NXPE2: variants seen among roughly 807,000 people sequenced by gnomAD.
NXPE2 encodes NXPE family member 2.
NXPE2 carries 34 observed loss-of-function variants against 34.4 expected under a neutral mutation model. That is an observed-to-expected ratio of 0.99 (90% CI 0.75 to 1.31). NXPE2 has a LOEUF of 1.31. NXPE2 is among the 40% of genes most tolerant of loss of function. The pLI is 0.00. For missense variants in NXPE2, 649 were observed against 672.5 expected, an observed-to-expected ratio of 0.97 and a Z score of 0.39; for synonymous variants, 235 against 231.3, an observed-to-expected ratio of 1.02 and a Z score of -0.15.
At chr11:114,722,372 T>C in the NXPE2 span, among the ~76,000 whole-genome samples, 1 of 152,166 alleles carries the variant, frequency 6.6e-6, no homozygotes, top group East Asian at 1.9e-4. Context: ...GTAAGTATCC[T>C]GAGGTCTTCC....
the NXPE2 span, among the ~76,000 whole-genome samples, chr11:114,595,961 G>C: frequency 6.6e-6 from 1 of 152,154 alleles, no homozygotes; most frequent in East Asian, 1.9e-4. Flanking sequence ...ATGAGAAAAA[G>C]AGTGTTTGAT....
At position 114,678,552 on chromosome 11, in the gene NXPE2, T is replaced by C. The variant is rs767279182; in HGVS notation, c.-24T>C. ...AATCAAGGAGAGTCTCTGGACACTA[T>C]AATTCCTGTGAGAACACGAGAAGAT... On this transcript the variant is annotated 5_prime_UTR_variant, in exon 1 of 6. Coordinates refer to ENST00000389586, the MANE Select transcript of NXPE2 (RefSeq NM_182495.6). 1.9e-6 allele frequency: 3 copies of C among 1,540,220 alleles called. No homozygotes were observed. The highest frequency in any genetic ancestry group is 2.8e-5 in the African/African-American group (2 of 72,696).
the NXPE2 span, among the ~76,000 whole-genome samples, chr11:114,586,415 A>G: frequency 6.6e-6 from 1 of 152,206 alleles, no homozygotes; most frequent in South Asian, 2.1e-4. Context: ...CCTTCTTTTT[A>G]TTTCAAGGCC....
At chr11:114,560,152 G>A in the NXPE2 span, among the ~76,000 whole-genome samples, 14 of 152,174 alleles carry the variant, frequency 9.2e-5, no homozygotes, top group South Asian at 8.3e-4. Context: ...TACCCCAAGT[G>A]ACTCTATGGA....
At chr11:114,555,402 A>G in the NXPE2 span, among the ~76,000 whole-genome samples, 1 of 151,830 alleles carries the variant, frequency 6.6e-6, no homozygotes, top group Non-Finnish European at 1.5e-5. Flanking sequence ...AATTTTTTAT[A>G]TTTTAGTAGA....
At chr11:114,804,197 T>C in the NXPE2 span, among the ~76,000 whole-genome samples, 6,337 of 151,096 alleles carry the variant, frequency 0.042, 157 homozygotes, top group East Asian at 0.14. Context: ...TCATCAAGTA[T>C]CAGGGAAGAT....
chr11:114,507,727 A>G, the NXPE2 span, among the ~76,000 whole-genome samples: 15 of 152,074 alleles, frequency 9.9e-5, no homozygotes, highest in Non-Finnish European at 1.3e-4. Flanking sequence ...AGCAAACTAG[A>G]TATTGAAGGA....
intron 2 of NXPE2, among the ~76,000 whole-genome samples, chr11:114,685,159 C>T (rs1004925422): frequency 1.3e-5 from 2 of 152,096 alleles, no homozygotes. Flanking sequence ...TATAAATCTT[C>T]AAAATATATA....
At chr11:114,522,110 A>ATAAG in the NXPE2 span, 1 of 1,614,084 alleles carries the variant, frequency 6.2e-7, no homozygotes, top group South Asian at 1.1e-5. Flanking sequence ...ATCCTTCATG[A>ATAAG]TAAGATAGTG....
At chr11:114,716,823 T>C in the NXPE2 span, among the ~76,000 whole-genome samples, 140,350 of 152,138 alleles carry the variant, frequency 0.92, 64,770 homozygotes, top group East Asian at 0.93. Context: ...GTTCCATACT[T>C]TAAGCAGTTT....
chr11:114,803,570 GTCTC>G, the NXPE2 span, among the ~76,000 whole-genome samples: 5 of 144,964 alleles, frequency 3.4e-5, no homozygotes, highest in Admixed American at 2.1e-4. Flanking sequence ...ACTCCCTCAG[GTCTC>G]TCTCTCTCTC....
the NXPE2 span, chr11:114,580,091 T>G: frequency 6.7e-7 from 1 of 1,503,270 alleles, no homozygotes; most frequent in Non-Finnish European, 9.3e-7. Flanking sequence ...GAAAAGAAGT[T>G]TCTGAAAGGG....
At chr11:114,746,565 A>G in the NXPE2 span, among the ~76,000 whole-genome samples, 1 of 152,238 alleles carries the variant, frequency 6.6e-6, no homozygotes, top group Admixed American at 6.5e-5. Flanking sequence ...AAAAGGGAAC[A>G]CCTGGGCTGG....
At chr11:114,539,325 C>T in the NXPE2 span, among the ~76,000 whole-genome samples, 1 of 151,966 alleles carries the variant, frequency 6.6e-6, no homozygotes, top group African/African-American at 2.4e-5. Flanking sequence ...GGAGATATAC[C>T]TATTGCTAAA....
At chr11:114,569,434 C>T in the NXPE2 span, among the ~76,000 whole-genome samples, 8 of 151,998 alleles carry the variant, frequency 5.3e-5, no homozygotes, top group Non-Finnish European at 2.9e-5. Context: ...TGTTTTAAGC[C>T]GTGGAATTTT....
the NXPE2 span, among the ~76,000 whole-genome samples, chr11:114,541,807 A>T: frequency 6.6e-6 from 1 of 152,224 alleles, no homozygotes; most frequent in Non-Finnish European, 1.5e-5. Context: ...GAAAGAACCA[A>T]ACAAATTTTA....
chr11:114,785,575 C>T, the NXPE2 span, among the ~76,000 whole-genome samples: 1 of 152,102 alleles, frequency 6.6e-6, no homozygotes, highest in Non-Finnish European at 1.5e-5. Flanking sequence ...ACACTGTGTT[C>T]CAACGTGCTG....
chr11:114,607,792 G>A, the NXPE2 span, among the ~76,000 whole-genome samples: 1 of 149,348 alleles, frequency 6.7e-6, no homozygotes. Flanking sequence ...ACACGGTGGA[G>A]AATAAGTGTT....
chr11:114,679,799 C>A, intron 2 of NXPE2, 37 bp downstream of exon 2: 1 of 1,260,942 alleles, frequency 7.9e-7, no homozygotes, highest in South Asian at 1.3e-5. Flanking sequence ...CACAGAAGGT[C>A]ACGGTGACTT....
Sources: gnomAD v4.1 joint callset for allele counts (sites outside exome capture counted in the v4.1 genomes callset) on GRCh38, gnomAD v4.1.1 for gene constraint, MANE v1.5 for transcripts, NCBI Gene and HGNC (gene_info 2026-07-23, HGNC 2026-07-21) for gene names.